The following ASNS variants were observed in gnomAD, a reference collection of about 807,000 sequenced individuals.
ASNS encodes asparagine synthetase (glutamine-hydrolyzing), also known as asparagine synthetase [glutamine-hydrolyzing].
ASNS carries 37 observed loss-of-function variants against 62.6 expected under a neutral mutation model. That is an observed-to-expected ratio of 0.59 (90% CI 0.45 to 0.78). The LOEUF (loss-of-function observed/expected upper bound fraction) is 0.78. Ranked by LOEUF, ASNS falls within the 30% of genes least tolerant of loss-of-function variation. The pLI is 0.00. For missense variants in ASNS, 520 were observed against 682.4 expected (o/e 0.76, Z 2.65); for synonymous variants, 207 against 237.9 (o/e 0.87, Z 1.19).
At chr7:97,864,830 G>T (rs913012963) in intron 3 of ASNS, among the ~76,000 whole-genome samples, 1 of 152,048 alleles carries the variant, frequency 6.6e-6, no homozygotes, top group African/African-American at 2.4e-5. Flanking sequence ...TATATATACA[G>T]ATTGAGTATC....
At chr7:97,925,368 A>G in the ASNS span, among the ~76,000 whole-genome samples, 11,656 of 151,950 alleles carry the variant, frequency 0.077, 904 homozygotes, top group African/African-American at 0.2. Flanking sequence ...ATTTCCACAA[A>G]TGTAGACCAA....
chr7:97,878,642 G>C, the ASNS span, among the ~76,000 whole-genome samples: 3 of 152,168 alleles, frequency 2.0e-5, no homozygotes, highest in South Asian at 4.1e-4. Flanking sequence ...CGAAATAAAA[G>C]AGGATACAAA....
chr7:97,855,531 T>C, intron 8 of ASNS, 72 bp from the exon 9 acceptor site: 1 of 1,110,426 alleles, frequency 9.0e-7, no homozygotes, highest in South Asian at 1.3e-5. Flanking sequence ...GATTTGATTT[T>C]TGGAAATAAT....
intron 3 of ASNS, among the ~76,000 whole-genome samples, chr7:97,865,187 C>A (rs1380994922): frequency 1.3e-5 from 2 of 152,132 alleles, no homozygotes; most frequent in Admixed American, 1.3e-4. Context: ...TAAAATATGA[C>A]ATACCATTAA....
chr7:97,878,390 G>A, the ASNS span, among the ~76,000 whole-genome samples: 1 of 152,150 alleles, frequency 6.6e-6, no homozygotes, highest in African/African-American at 2.4e-5. Context: ...AAGGGAGTAC[G>A]TGACTGGGGC....
chr7:97,916,971 A>C, the ASNS span, among the ~76,000 whole-genome samples: 8 of 152,266 alleles, frequency 5.3e-5, no homozygotes, highest in African/African-American at 1.9e-4. Context: ...CCTACCCCAC[A>C]GTCTCTAGGT....
intron 2 of ASNS, 90 bp from the exon 3 acceptor site, chr7:97,869,269 C>T (rs1310978877): frequency 5.3e-5 from 74 of 1,396,786 alleles, no homozygotes; most frequent in Admixed American, 5.1e-5. Context: ...GCATAAACCA[C>T]TTCAAAGACT....
chr7:97,860,638 A>C (rs1206385864), intron 4 of ASNS, among the ~76,000 whole-genome samples: 1 of 152,202 alleles, frequency 6.6e-6, no homozygotes. Flanking sequence ...ATTAAATCTG[A>C]AAATTAAGTG....
chr7:97,862,792 T>C (rs13437661), intron 4 of ASNS, among the ~76,000 whole-genome samples: 18,694 of 151,890 alleles, frequency 0.12, 1,266 homozygotes, highest in East Asian at 0.22. Context: ...AAGTCTATTA[T>C]GTTTTTAAAA....
intron 3 of ASNS, among the ~76,000 whole-genome samples, chr7:97,865,044 G>A (rs1335434109): frequency 3.3e-5 from 5 of 152,138 alleles, no homozygotes; most frequent in Non-Finnish European, 7.4e-5. Context: ...TGCATACATG[G>A]AACCATCAGA....
the ASNS span, among the ~76,000 whole-genome samples, chr7:97,927,211 T>C: frequency 2.0e-5 from 3 of 150,628 alleles, no homozygotes; most frequent in Admixed American, 6.7e-5. Context: ...TGAGCCACCA[T>C]GCCCGGCCAA....
chr7:97,859,247 G>A lies in ASNS; in HGVS notation c.639C>T (p.His213=), dbSNP rs200653570. 8 of 1,613,866 alleles carry A rather than the reference G, an allele frequency of 5.0e-6. No homozygotes were observed. The highest frequency in any genetic ancestry group is 3.3e-4 in the Middle Eastern group (2 of 6,084). The change falls in exon 5 of 13, where the codon CAC becomes CAT. Residue 213 remains histidine (H), a synonymous_variant. Coordinates refer to ENST00000394308, the MANE Select transcript of ASNS (RefSeq NM_001673.5). ...KYHHCRDVPL[H]ALYDNVEKLF... is the part of the protein sequence containing the mutation. ...GTTTCTCCACATTGTCATAGAGGGC[G>A]TGCAGGGGTACATCCCGACAGTGAT...
chr7:97,858,494 G>T, intron 6 of ASNS, 89 bp from the exon 7 acceptor site: 1 of 1,487,734 alleles, frequency 6.7e-7, no homozygotes, highest in Non-Finnish European at 9.1e-7. Context: ...TAAACACCAA[G>T]ATCATAGTTT....
At position 97,852,001 on chromosome 7, in the gene ASNS, A is replaced by G. The variant is rs577246995; in HGVS notation, c.*258T>C. The G allele has an allele frequency of 8.6e-6, 4 of 464,704 alleles. No homozygotes were observed. The East Asian group carries it at 1.6e-4, about 18-fold the overall frequency. The allele number at this position is 464,704 out of a possible 1,614,324, so 28.8% of individuals were successfully genotyped here. On this transcript the variant is annotated 3_prime_UTR_variant, in exon 13 of 13. Transcript: ENST00000394308. ...GCAGCTCTGCCAGGAGAGGGCTGTG[A>G]GTTCTTGCAGACATCTGATCATTTT...
the ASNS span, among the ~76,000 whole-genome samples, chr7:97,892,362 C>T: frequency 1.3e-5 from 2 of 152,158 alleles, no homozygotes; most frequent in Non-Finnish European, 2.9e-5. Context: ...TGTGACATGC[C>T]CTGGAGACAT....
At chr7:97,928,042 G>C in the ASNS span, 222 of 964,502 alleles carry the variant, frequency 2.3e-4, 2 homozygotes, top group Middle Eastern at 2.7e-3. Context: ...GCACCCCCGC[G>C]CTCCCGGCAC....
chr7:97,882,924 C>G, the ASNS span, among the ~76,000 whole-genome samples: 2 of 152,172 alleles, frequency 1.3e-5, no homozygotes, highest in Non-Finnish European at 2.9e-5. Context: ...TGGGGGAAAA[C>G]AACAGAGGCA....
chr7:97,893,895 A>G, the ASNS span, among the ~76,000 whole-genome samples: 1 of 152,276 alleles, frequency 6.6e-6, no homozygotes, highest in Non-Finnish European at 1.5e-5. Flanking sequence ...TATTTTCAGA[A>G]TATTTCATCC....
the ASNS span, among the ~76,000 whole-genome samples, chr7:97,919,095 C>T: frequency 2.7e-3 from 410 of 151,998 alleles, 3 homozygotes; most frequent in African/African-American, 9.6e-3. Context: ...AACATAGTCT[C>T]GCTCTATTGC....
Sources: allele counts gnomAD v4.1 joint callset (sites outside exome capture counted in the v4.1 genomes callset), GRCh38; gene constraint gnomAD v4.1.1; transcripts MANE v1.5; gene names NCBI Gene and HGNC (gene_info 2026-07-23, HGNC 2026-07-21).